The following ADAM10 variants were observed in gnomAD, a reference collection of about 807,000 sequenced individuals.
The protein encoded by ADAM10 is ADAM metallopeptidase domain 10.
In ADAM10, 17 loss-of-function variants were observed where a neutral mutation model predicts 90.1. The observed-to-expected ratio is 0.19, with a 90% CI of 0.13 to 0.28. ADAM10 has a LOEUF of 0.28. ADAM10 is among the 10% of genes least tolerant of loss of function. The pLI is 1.00. For synonymous variants in ADAM10, 310 were observed against 298.6 expected (o/e 1.04, Z -0.40); for missense variants, 610 against 914.3 (o/e 0.67, Z 4.29).
At chr15:58,629,730 G>A (rs1896050120) in intron 9 of ADAM10, among the ~76,000 whole-genome samples, 1 of 152,016 alleles carries the variant, frequency 6.6e-6, no homozygotes, top group Non-Finnish European at 1.5e-5. Context: ...ATATCTAGCT[G>A]TATCACATTT....
chr15:58,692,990 C>A (rs765581859), intron 2 of ADAM10: 1 of 775,724 alleles, frequency 1.3e-6, no homozygotes, highest in Non-Finnish European at 2.3e-6. Flanking sequence ...ATTTTCAGTT[C>A]TTTACCACCG....
In ADAM10 at chr15:58,677,290, C is replaced by A. The variant is rs187670085; in HGVS notation, c.484+1834G>T. 4.6e-5 allele frequency among the ~76,000 whole-genome samples: 7 copies of A among 152,200 alleles called. No individual in the cohort carries two copies. The East Asian group carries it at 5.8e-4, about 13-fold the overall frequency. ...ATAATAAAAAGAATGTTAAAAAGTT[C>A]TCCTTACCACAAACATATATTTACT... On this transcript the variant is annotated intron_variant, in intron 4 of 15. Coordinates refer to ENST00000260408, the MANE Select transcript of ADAM10 (RefSeq NM_001110.4).
chr15:58,621,140 A>G (rs1373652232), intron 11 of ADAM10, among the ~76,000 whole-genome samples: 3 of 151,486 alleles, frequency 2.0e-5, no homozygotes, highest in African/African-American at 7.3e-5. Flanking sequence ...GCACATGCCT[A>G]TAGTCCCAGC....
intron 1 of ADAM10, among the ~76,000 whole-genome samples, chr15:58,724,943 C>T (rs1898981187): frequency 6.6e-6 from 1 of 152,132 alleles, no homozygotes; most frequent in Non-Finnish European, 1.5e-5. Flanking sequence ...ATAATCCCAA[C>T]ACTTTGGGAG....
chr15:58,691,395 T>A, intron 2 of ADAM10: 1 of 765,004 alleles, frequency 1.3e-6, no homozygotes. Context: ...CCACTCTTGC[T>A]CCACAAAAGC....
intron 5 of ADAM10, among the ~76,000 whole-genome samples, chr15:58,657,343 C>T (rs1896852544): frequency 6.6e-6 from 1 of 152,132 alleles, no homozygotes; most frequent in Admixed American, 6.5e-5. Context: ...CCTTTTGAGG[C>T]TATTTCCTAG....
chr15:58,687,966 T>C (rs1320722061), intron 2 of ADAM10, among the ~76,000 whole-genome samples: 1 of 152,122 alleles, frequency 6.6e-6, no homozygotes, highest in Non-Finnish European at 1.5e-5. Context: ...CCATTGAGTA[T>C]CTTTGATTGT....
chr15:58,677,170 C>T (rs1216958007), intron 4 of ADAM10, among the ~76,000 whole-genome samples: 2 of 152,290 alleles, frequency 1.3e-5, no homozygotes, highest in Non-Finnish European at 2.9e-5. Context: ...GTACTCCCAT[C>T]CTCATATCCT....
At position 58,660,682 on chromosome 15, in the gene ADAM10, C is replaced by T. The variant is rs962321705; in HGVS notation, c.585+4415G>A. On this transcript the variant is annotated intron_variant, in intron 5 of 15. Transcript: ENST00000260408. ...TTTTTTGTTCCTTTTTCTCTTCTTC[C>T]TAACTTCTCTTAACTGTTTTTAAAT... is the stretch of plus-strand genomic sequence containing the variant. 1.3e-3 allele frequency among the ~76,000 whole-genome samples: 203 copies of T among 152,142 alleles called. 1 individual carries two copies. Among genetic ancestry groups the T allele is most frequent in the African/African-American group, 4.7e-3 (197 of 41,508 alleles).
chr15:58,722,202 C>T (rs909931104), intron 1 of ADAM10, among the ~76,000 whole-genome samples: 1 of 151,822 alleles, frequency 6.6e-6, no homozygotes, highest in Admixed American at 6.6e-5. Context: ...CTTAGCCTGG[C>T]GTGATGGCAT....
In ADAM10 at chr15:58,728,716, A is replaced by AT. The variant is rs200284606; in HGVS notation, c.56-10990dup. 9.8e-3 allele frequency among the ~76,000 whole-genome samples: 1,493 copies of AT among 152,280 alleles called. 24 individuals carry two copies. The highest frequency in any genetic ancestry group is 0.034 in the African/African-American group (1,407 of 41,558). ...TTATAAAATTTCCCTAAGTTACAAA[A>AT]TTTTTTAAAATCCAGGATCAAAAAC... On this transcript the variant is annotated intron_variant, in intron 1 of 15. Coordinates refer to ENST00000260408, the MANE Select transcript of ADAM10 (RefSeq NM_001110.4).
At chr15:58,726,729 T>C (rs138309474) in intron 1 of ADAM10, among the ~76,000 whole-genome samples, 2 of 151,576 alleles carry the variant, frequency 1.3e-5, no homozygotes, top group African/African-American at 2.4e-5. Flanking sequence ...GCTGAGTACA[T>C]TAGTGTGCAC....
chr15:58,705,229 G>C (rs1313846572), intron 2 of ADAM10, among the ~76,000 whole-genome samples: 1 of 152,106 alleles, frequency 6.6e-6, no homozygotes, highest in African/African-American at 2.4e-5. Context: ...ATAAACTGTA[G>C]ATTTCCTTGA....
chr15:58,701,027 A>AAAC (rs1898121555), intron 2 of ADAM10, among the ~76,000 whole-genome samples: 1 of 151,336 alleles, frequency 6.6e-6, no homozygotes, highest in Non-Finnish European at 1.5e-5. Context: ...AAAAACAAAA[A>AAAC]AAAAAAAACA....
chr15:58,742,628 T>C (rs1192057032), intron 1 of ADAM10, among the ~76,000 whole-genome samples: 1 of 152,190 alleles, frequency 6.6e-6, no homozygotes, highest in Non-Finnish European at 1.5e-5. Flanking sequence ...AATCTTCACA[T>C]TGCTGGACAG....
intron 2 of ADAM10, among the ~76,000 whole-genome samples, chr15:58,695,049 T>C (rs74017286): frequency 0.045 from 6,929 of 152,308 alleles, 538 homozygotes; most frequent in African/African-American, 0.16. Context: ...TAGGGGTCAG[T>C]AGCATACATT....
chr15:58,739,046 T>C (rs565893995), intron 1 of ADAM10, among the ~76,000 whole-genome samples: 1 of 152,080 alleles, frequency 6.6e-6, no homozygotes, highest in Non-Finnish European at 1.5e-5. Flanking sequence ...CATCCGCCAC[T>C]GCCCCTAGCT....
intron 1 of ADAM10, among the ~76,000 whole-genome samples, chr15:58,736,314 C>T (rs1859442847): frequency 6.6e-6 from 1 of 152,192 alleles, no homozygotes; most frequent in Admixed American, 6.5e-5. Context: ...AGCGCACCAA[C>T]AGCATTTAAC....
chr15:58,723,815 G>A (rs1359016759), intron 1 of ADAM10, among the ~76,000 whole-genome samples: 2 of 151,584 alleles, frequency 1.3e-5, no homozygotes, highest in Non-Finnish European at 1.5e-5. Context: ...AAAACACACT[G>A]GAGAAAAAAA....
Sources: gnomAD v4.1 joint callset for allele counts (sites outside exome capture counted in the v4.1 genomes callset) on GRCh38, gnomAD v4.1.1 for gene constraint, MANE v1.5 for transcripts, NCBI Gene and HGNC (gene_info 2026-07-23, HGNC 2026-07-21) for gene names.